CCDC14: variants seen among roughly 807,000 people sequenced by gnomAD.
CCDC14 encodes coiled-coil domain containing 14, also known as coiled-coil domain-containing protein 14.
A neutral mutation model predicts 81.4 loss-of-function variants in CCDC14; 71 were observed. The ratio of observed to expected loss-of-function variants is 0.87; its 90% CI spans 0.72 to 1.06. The LOEUF is 1.06. Ranked by LOEUF, CCDC14 falls within the 50% of genes least tolerant of loss-of-function variation. The pLI is 0.00. For synonymous variants in CCDC14, 332 were observed against 364.8 expected (o/e 0.91, Z 1.03); for missense variants, 1,046 against 1,047.3 (o/e 1.00, Z 0.02).
At position 123,956,045 on chromosome 3, in the gene CCDC14, C is replaced by A. The variant is rs761496246; in HGVS notation, c.229+1G>T. The A allele has an allele frequency of 2.2e-5, 34 of 1,527,836 alleles. No homozygotes were observed. Among genetic ancestry groups the A allele is most frequent in the Non-Finnish European group, 2.7e-5 (31 of 1,132,626 alleles). The allele number at this position is 1,527,836 out of a possible 1,614,324, so 94.6% of individuals were successfully genotyped here. On this transcript the variant is annotated splice_donor_variant, in intron 4 of 12. Transcript: ENST00000409697. LOFTEE classifies it high-confidence loss of function. Reference sequence around the variant, plus strand: ...TCAGCAAAGAATTAAAAAAAAAAAACCTGAATCTTCATTTCTCAAAATGTC... The same window carrying A: ...TCAGCAAAGAATTAAAAAAAAAAAAACTGAATCTTCATTTCTCAAAATGTC...
At chr3:123,955,101 A>G (rs1231924793) in intron 5 of CCDC14, 2 of 152,172 alleles carry the variant, frequency 1.3e-5, no homozygotes, top group Non-Finnish European at 2.9e-5. Flanking sequence ...ACTGCTTTAT[A>G]TGACTTTCTA....
At chr3:123,889,954 AG>A in the CCDC14 span, among the ~76,000 whole-genome samples, 2 of 152,230 alleles carry the variant, frequency 1.3e-5, no homozygotes, top group Non-Finnish European at 2.9e-5. Context: ...GAGACTGGGA[AG>A]AAAAAGAAGT....
intron 9 of CCDC14, among the ~76,000 whole-genome samples, chr3:123,939,787 G>A (rs1426846510): frequency 5.3e-5 from 8 of 151,588 alleles, no homozygotes; most frequent in East Asian, 3.9e-4. Context: ...ACTATAAAGC[G>A]ACAAAATTTC....
chr3:123,902,726 A>G (rs1336779430), intron 5 of CCDC14, among the ~76,000 whole-genome samples: 1 of 152,236 alleles, frequency 6.6e-6, no homozygotes. Context: ...TACCTCAAGT[A>G]AGATGTAAAT....
At chr3:123,956,175 T>C (rs2037318581) in intron 3 of CCDC14, 60 bp from the exon 4 acceptor site, 3 of 1,420,258 alleles carry the variant, frequency 2.1e-6, no homozygotes, top group South Asian at 2.7e-5. Flanking sequence ...TAGGAAAAAA[T>C]ATAAATTATG....
chr3:123,887,271 G>A, the CCDC14 span, among the ~76,000 whole-genome samples: 1 of 151,934 alleles, frequency 6.6e-6, no homozygotes, highest in East Asian at 1.9e-4. Context: ...CTTACCATTA[G>A]TTCCTTATGT....
At chr3:123,912,127 G>A (rs531702515), downstream of CCDC14, among the ~76,000 whole-genome samples, 2 of 152,270 alleles carry the variant, frequency 1.3e-5, no homozygotes, top group African/African-American at 2.4e-5. Context: ...ATCAAAGACC[G>A]TAAAATAGTG....
At chr3:123,935,007 T>C (rs2035978732) in intron 9 of CCDC14, among the ~76,000 whole-genome samples, 1 of 152,108 alleles carries the variant, frequency 6.6e-6, no homozygotes, top group African/African-American at 2.4e-5. Flanking sequence ...TTGAAACCTG[T>C]AGAATTAAAA....
intron 9 of CCDC14, among the ~76,000 whole-genome samples, chr3:123,934,270 C>CAAAAAA (rs61094944): frequency 9.0e-4 from 47 of 52,236 alleles, no homozygotes; most frequent in African/African-American, 2.2e-3. Context: ...GACTCTGCCT[C>CAAAAAA]AAAAAAAAAA....
intron 5 of CCDC14, among the ~76,000 whole-genome samples, chr3:123,898,668 A>G (rs181332536): frequency 1.1e-3 from 160 of 152,222 alleles, no homozygotes; most frequent in Middle Eastern, 6.8e-3. Context: ...GTTTGAATCC[A>G]GCACTTGTGA....
chr3:123,915,618 G>C lies in CCDC14; in HGVS notation c.1879C>G (p.His627Asp). The stretch of plus-strand genomic sequence containing the variant: ...GGGTCATGTTGAAGTTGTTTATCAT[G>C]AATGTTCAAGAGTGATTTGGTAAGG... ...NNLTKSLLNI[H>D]DKQLQHDPAP... Residue 627 changes from histidine to aspartate, a missense_variant, in exon 13 of 13, where the codon CAT becomes GAT. By Grantham distance (81) the His-to-Asp change is moderately conservative (BLOSUM62 -1). Transcript: ENST00000409697. The C allele has an allele frequency of 6.2e-7, 1 of 1,614,014 alleles. No individual in the cohort carries two copies. Among genetic ancestry groups the C allele is most frequent in the Non-Finnish European group, 8.5e-7 (1 of 1,179,886 alleles).
At chr3:123,941,122 G>C (rs1318204616) in intron 9 of CCDC14, among the ~76,000 whole-genome samples, 1 of 151,886 alleles carries the variant, frequency 6.6e-6, no homozygotes, top group Non-Finnish European at 1.5e-5. Flanking sequence ...TAGCTCAATG[G>C]CTCTTAACTG....
intron 1 of CCDC14, 200 bp from the exon 2 acceptor site, chr3:123,956,995 TA>T: frequency 2.6e-6 from 1 of 391,946 alleles, no homozygotes; most frequent in Non-Finnish European, 4.5e-6. Context: ...TGAATTTGAC[TA>T]GTCTAGAAAC....
chr3:123,950,348 C>T (rs1177171952), intron 5 of CCDC14, among the ~76,000 whole-genome samples: 6 of 152,132 alleles, frequency 3.9e-5, no homozygotes, highest in Admixed American at 2.0e-4. Flanking sequence ...ATGTTCACAG[C>T]AGCTTGATTT....
chr3:123,935,860 T>C (rs1239541096), intron 9 of CCDC14, among the ~76,000 whole-genome samples: 1 of 152,150 alleles, frequency 6.6e-6, no homozygotes, highest in Non-Finnish European at 1.5e-5. Flanking sequence ...TTGTATACTT[T>C]CCTTTTTTCA....
chr3:123,903,297 A>AACACACAC (rs57466490), intron 5 of CCDC14, among the ~76,000 whole-genome samples: 1,453 of 144,270 alleles, frequency 0.01, 22 homozygotes, highest in African/African-American at 0.035. Context: ...TTATTTTTCA[A>AACACACAC]ACACACACAC....
chr3:123,952,096 C>A (rs990545040), intron 5 of CCDC14, among the ~76,000 whole-genome samples: 1 of 152,198 alleles, frequency 6.6e-6, no homozygotes, highest in African/African-American at 2.4e-5. Context: ...CCAACGCACT[C>A]TACATGAAAA....
intron 12 of CCDC14, among the ~76,000 whole-genome samples, chr3:123,925,564 T>C (rs1468742798): frequency 6.6e-6 from 1 of 151,994 alleles, no homozygotes; most frequent in East Asian, 1.9e-4. Context: ...GCCTTCCGAG[T>C]AGCTGGGATT....
At chr3:123,899,230 T>C (rs566591905) in intron 5 of CCDC14, among the ~76,000 whole-genome samples, 51 of 152,188 alleles carry the variant, frequency 3.4e-4, no homozygotes, top group Non-Finnish European at 6.8e-4. Flanking sequence ...TTGTAGAAAG[T>C]ATTCATCTGC....
Sources: gnomAD v4.1 joint callset for allele counts (sites outside exome capture counted in the v4.1 genomes callset) on GRCh38, gnomAD v4.1.1 for gene constraint, MANE v1.5 for transcripts, NCBI Gene and HGNC (gene_info 2026-07-23, HGNC 2026-07-21) for gene names.